The following CORO2B variants were observed in gnomAD, a reference collection of about 807,000 sequenced individuals.
CORO2B encodes the protein coronin 2B.
In CORO2B, 26 loss-of-function variants were observed where a neutral mutation model predicts 58.8. That is an observed-to-expected ratio of 0.44 (90% confidence interval 0.32 to 0.61). The LOEUF is 0.61. Among genes scored for constraint, CORO2B ranks in the 20% least tolerant of loss-of-function variants. CORO2B has a pLI of 0.04. For synonymous variants in CORO2B, 242 were observed against 253.8 expected (o/e 0.95, Z 0.44); for missense variants, 460 against 645.1 (o/e 0.71, Z 3.11).
intron 1 of CORO2B, among the ~76,000 whole-genome samples, chr15:68,597,633 AAAAAAAAT>A (rs1049173681): frequency 4.8e-4 from 72 of 151,448 alleles, no homozygotes; most frequent in African/African-American, 1.7e-3. Flanking sequence ...CCATCAAAAA[AAAAAAAAT>A]AAATAAATAA....
chr15:68,649,008 A>G (rs922231860), intron 2 of CORO2B, among the ~76,000 whole-genome samples: 12 of 152,216 alleles, frequency 7.9e-5, no homozygotes, highest in Admixed American at 5.9e-4. Context: ...TTTAAATTAT[A>G]TTCAATAAAA....
chr15:68,660,427 G>C (rs1239838207), intron 2 of CORO2B, among the ~76,000 whole-genome samples: 1 of 152,050 alleles, frequency 6.6e-6, no homozygotes, highest in African/African-American at 2.4e-5. Context: ...CTGGAGTGCA[G>C]TGGCATGATC....
upstream of CORO2B, among the ~76,000 whole-genome samples, chr15:68,577,152 C>T (rs530987892): frequency 6.6e-6 from 1 of 152,258 alleles, no homozygotes; most frequent in Non-Finnish European, 1.5e-5. Flanking sequence ...TAGTAAGTCC[C>T]TGGAACTCCC....
chr15:68,690,960 A>G (rs1266895079), intron 2 of CORO2B, among the ~76,000 whole-genome samples: 1 of 151,504 alleles, frequency 6.6e-6, no homozygotes, highest in Non-Finnish European at 1.5e-5. Context: ...TGCCTAGCCT[A>G]CATTAGCTTT....
At position 68,599,788 on chromosome 15, in the gene CORO2B, C is replaced by A. The variant is rs191487134; in HGVS notation, c.15+20511C>A. 9.2e-5 allele frequency among the ~76,000 whole-genome samples: 14 copies of A among 152,314 alleles called. No homozygotes were observed. In the East Asian group the frequency reaches 2.5e-3, roughly 27 times the overall value. On this transcript the variant is annotated intron_variant, in intron 1 of 11. Coordinates refer to ENST00000261861, the MANE Select transcript of CORO2B (RefSeq NM_006091.5). Reference sequence around the variant, plus strand: ...GGCTGCCACATGCTTTCCGGACATCCGGGTCTCATTATGCTGTGACTCAAA... The same window carrying A: ...GGCTGCCACATGCTTTCCGGACATCAGGGTCTCATTATGCTGTGACTCAAA...
chr15:68,625,345 C>T (rs1408173693), intron 1 of CORO2B, among the ~76,000 whole-genome samples: 11 of 151,926 alleles, frequency 7.2e-5, no homozygotes, highest in Admixed American at 7.2e-4. Flanking sequence ...GTGTCCACTT[C>T]TATGCATTTC....
At chr15:68,544,966 G>A in the CORO2B span, among the ~76,000 whole-genome samples, 16 of 152,040 alleles carry the variant, frequency 1.1e-4, no homozygotes, top group Admixed American at 6.5e-4. Flanking sequence ...TAGTACAGAC[G>A]GGGTTTCACC....
chr15:68,682,190 CA>C (rs543861227), intron 2 of CORO2B, among the ~76,000 whole-genome samples: 176 of 152,240 alleles, frequency 1.2e-3, no homozygotes, highest in African/African-American at 4.1e-3. Context: ...GCCCAACTGC[CA>C]AAAAATCCTG....
intron 2 of CORO2B, among the ~76,000 whole-genome samples, chr15:68,647,465 AGATCACCT>A (rs1307177953): frequency 9.2e-5 from 14 of 152,050 alleles, no homozygotes; most frequent in Admixed American, 6.5e-5. Flanking sequence ...CAAGGCAGGC[AGATCACCT>A]GAGGTCGAGA....
chr15:68,675,464 G>A (rs1165553927), intron 2 of CORO2B, among the ~76,000 whole-genome samples: 1 of 152,098 alleles, frequency 6.6e-6, no homozygotes, highest in Non-Finnish European at 1.5e-5. Context: ...TCCTGTGTCT[G>A]GAAAGAAATG....
At chr15:68,725,564 A>C (rs1893274747) in intron 11 of CORO2B, among the ~76,000 whole-genome samples, 1 of 152,078 alleles carries the variant, frequency 6.6e-6, no homozygotes, top group East Asian at 1.9e-4. Flanking sequence ...ATATTTGGAA[A>C]ACTGGACTGT....
chr15:68,569,343 A>T, the CORO2B span, among the ~76,000 whole-genome samples: 1 of 152,180 alleles, frequency 6.6e-6, no homozygotes, highest in Non-Finnish European at 1.5e-5. Context: ...CGCTGTCTCC[A>T]TAGTTCTGCC....
chr15:68,566,394 C>T, the CORO2B span, among the ~76,000 whole-genome samples: 2 of 152,124 alleles, frequency 1.3e-5, no homozygotes, highest in Non-Finnish European at 2.9e-5. Flanking sequence ...GTTCTAAAGC[C>T]TTATCTTCCC....
At chr15:68,545,790 G>C in the CORO2B span, among the ~76,000 whole-genome samples, 1 of 152,200 alleles carries the variant, frequency 6.6e-6, no homozygotes, top group Admixed American at 6.5e-5. Context: ...GGGAGGCTGG[G>C]GGTACCCCGG....
intron 2 of CORO2B, among the ~76,000 whole-genome samples, chr15:68,661,876 G>A (rs1270006479): frequency 3.3e-5 from 5 of 152,102 alleles, no homozygotes; most frequent in East Asian, 3.9e-4. Context: ...GTGTGATGGC[G>A]TGCACCTGTA....
the CORO2B span, among the ~76,000 whole-genome samples, chr15:68,562,807 T>C: frequency 6.6e-6 from 1 of 151,536 alleles, no homozygotes; most frequent in Non-Finnish European, 1.5e-5. Context: ...AAACCCCGTC[T>C]CTACTAAAAA....
In CORO2B at chr15:68,642,035, C is replaced by CTTTTTTT. The variant is rs33965107; in HGVS notation, c.16-3112_16-3106dup. Among the ~76,000 whole-genome samples, 5 of 115,976 alleles carry CTTTTTTT rather than the reference C, an allele frequency of 4.3e-5. 1 individual carries two copies. Among genetic ancestry groups the CTTTTTTT allele is most frequent in the Admixed American group, 9.6e-5 (1 of 10,428 alleles). The allele number at this position is 115,976 out of a possible 152,430, so 76.1% of individuals were successfully genotyped here. ...TGACTCACCTAACCCGGCCTAGCCTCTTTTTTTTTTTTTTTTTTTGAGACA... is the reference window on the plus strand; with the variant it reads ...TGACTCACCTAACCCGGCCTAGCCTCTTTTTTTTTTTTTTTTTTTTTTTTTTGAGACA... On this transcript the variant is annotated intron_variant, in intron 1 of 11. Transcript: ENST00000261861.
intron 1 of CORO2B, among the ~76,000 whole-genome samples, chr15:68,624,671 T>C (rs1268823834): frequency 6.6e-5 from 10 of 151,206 alleles, no homozygotes; most frequent in Admixed American, 6.6e-4. Context: ...GCTGGGCATC[T>C]CTGTTTTTTT....
the CORO2B span, among the ~76,000 whole-genome samples, chr15:68,543,904 G>A: frequency 6.6e-6 from 1 of 152,174 alleles, no homozygotes; most frequent in Non-Finnish European, 1.5e-5. Context: ...CCAGGTGACA[G>A]GAAGCCCCGC....
Sources: allele counts gnomAD v4.1 joint callset (sites outside exome capture counted in the v4.1 genomes callset), GRCh38; gene constraint gnomAD v4.1.1; transcripts MANE v1.5; gene names NCBI Gene and HGNC (gene_info 2026-07-23, HGNC 2026-07-21).